Variants in DTNA observed in about 807,000 individuals in gnomAD.
DTNA encodes dystrobrevin alpha.
In DTNA, 43 loss-of-function variants were observed where a neutral mutation model predicts 100.7. The observed-to-expected ratio is 0.43, with a 90% CI of 0.33 to 0.55. The LOEUF is 0.55. DTNA is among the 20% of genes least tolerant of loss of function. DTNA has a pLI of 0.04. For missense variants in DTNA, 798 were observed against 953.9 expected, an observed-to-expected ratio of 0.84 and a Z score of 2.15; for synonymous variants, 349 against 347.9, an observed-to-expected ratio of 1.00 and a Z score of -0.04.
At chr18:34,873,301 T>A (rs2150300429) in intron 17 of DTNA, among the ~76,000 whole-genome samples, 1 of 152,314 alleles carries the variant, frequency 6.6e-6, no homozygotes, top group Middle Eastern at 3.4e-3. Context: ...TACTTCTTAA[T>A]AACCACTCTG....
At position 34,829,458 on chromosome 18, in the gene DTNA, C is replaced by T. The variant is rs1351925892; in HGVS notation, c.1144C>T (p.Leu382=). 6.5e-7 allele frequency: 1 copy of T among 1,530,814 alleles called. No homozygotes were observed. Among genetic ancestry groups the T allele is most frequent in the East Asian group, 2.5e-5 (1 of 40,752 alleles). 94.8% of individuals were successfully genotyped at this position (1,530,814 alleles called of 1,614,324 possible). The change falls in exon 11 of 23, where the codon CTG becomes TTG. Residue 382 remains leucine (L), a synonymous_variant. Coordinates refer to ENST00000444659, the MANE Select transcript of DTNA (RefSeq NM_001386795.1). ...GGCTGAAGAGCATTCCCTCATAAAG[C>T]TGTACGTAAATCAGCTTGATCACGG... ...PVAEEHSLIK[L]YVNQLDHGAR...
At position 34,595,088 on chromosome 18, in the gene DTNA, A is replaced by G. The variant is rs373107180; in HGVS notation, c.-2+101574A>G. Among the ~76,000 whole-genome samples the G allele has an allele frequency of 1.4e-4, 22 of 152,330 alleles. 1 individual carries two copies. Among genetic ancestry groups the G allele is most frequent in the African/African-American group, 5.3e-4 (22 of 41,564 alleles). On this transcript the variant is annotated intron_variant, in intron 1 of 19. Coordinates refer to the DTNA transcript ENST00000283365. Reference sequence around the variant, plus strand: ...AATTGCAATTAATTTTCATTTCCCCATAATCATGTGTTAACTTTGTAAATT... The same window carrying G: ...AATTGCAATTAATTTTCATTTCCCCGTAATCATGTGTTAACTTTGTAAATT...
chr18:34,556,645 G>A (rs201730626), intron 1 of DTNA, among the ~76,000 whole-genome samples: 7 of 151,762 alleles, frequency 4.6e-5, no homozygotes, highest in African/African-American at 1.7e-4. Flanking sequence ...AGTTTGGCTG[G>A]ATATGAAATT....
chr18:34,512,670 T>C (rs187198429), intron 1 of DTNA, among the ~76,000 whole-genome samples: 28 of 152,188 alleles, frequency 1.8e-4, no homozygotes, highest in Admixed American at 1.8e-3. Context: ...TACTGTTCTC[T>C]GAAAGGTATA....
Position 34,581,943 on chromosome 18 carries a change from A to T in DTNA, c.-2+88429A>T, listed in dbSNP as rs140462268. 2.3e-3 allele frequency among the ~76,000 whole-genome samples: 356 copies of T among 152,226 alleles called. 3 individuals carry two copies. Among genetic ancestry groups the T allele is most frequent in the Non-Finnish European group, 1.5e-3 (102 of 68,004 alleles). ...GGCCCTGCCCCTATTATTTTGTAGGATCTGAGGCACAAATACAAAGAGGGA... is the reference window on the plus strand; with the variant it reads ...GGCCCTGCCCCTATTATTTTGTAGGTTCTGAGGCACAAATACAAAGAGGGA... On this transcript the variant is annotated intron_variant, in intron 1 of 19. Coordinates refer to the DTNA transcript ENST00000283365.
intron 17 of DTNA, among the ~76,000 whole-genome samples, chr18:34,872,866 G>T (rs1482446538): frequency 6.6e-6 from 1 of 152,210 alleles, no homozygotes; most frequent in Admixed American, 6.5e-5. Flanking sequence ...GCTGGTCACA[G>T]TGCCCACAGT....
intron 1 of DTNA, among the ~76,000 whole-genome samples, chr18:34,592,843 T>C (rs1392133479): frequency 1.3e-5 from 2 of 152,224 alleles, no homozygotes; most frequent in Admixed American, 1.3e-4. Flanking sequence ...AAAACTTAAA[T>C]GCTGTCCTAC....
chr18:34,829,830 G>A (rs1318636958), intron 11 of DTNA, among the ~76,000 whole-genome samples: 1 of 152,182 alleles, frequency 6.6e-6, no homozygotes, highest in African/African-American at 2.4e-5. Context: ...CTTGAATTAA[G>A]GAGTCTGTTG....
At chr18:34,635,678 C>T (rs1041360182) in intron 1 of DTNA, among the ~76,000 whole-genome samples, 5 of 152,158 alleles carry the variant, frequency 3.3e-5, no homozygotes, top group Admixed American at 2.6e-4. Flanking sequence ...AATATTGACC[C>T]ATTTTACTTA....
chr18:34,598,634 C>T (rs776724174), intron 1 of DTNA, among the ~76,000 whole-genome samples: 5 of 152,042 alleles, frequency 3.3e-5, no homozygotes, highest in African/African-American at 1.2e-4. Flanking sequence ...GAGGCCGAGA[C>T]GGGTGGATCA....
chr18:34,716,434 G>C (rs2084090668), intron 1 of DTNA, among the ~76,000 whole-genome samples: 1 of 152,048 alleles, frequency 6.6e-6, no homozygotes, highest in South Asian at 2.1e-4. Context: ...GTGGTGGCAG[G>C]CGCCTGTAAT....
In DTNA at chr18:34,854,653, A is replaced by C. The variant is rs2149998801; in HGVS notation, c.1532+2725A>C. 1.3e-5 allele frequency among the ~76,000 whole-genome samples: 2 copies of C among 152,344 alleles called. 1 individual carries two copies. The highest frequency in any genetic ancestry group is 6.8e-3 in the Middle Eastern group (2 of 294). On this transcript the variant is annotated intron_variant, in intron 15 of 22. Coordinates refer to ENST00000444659, the MANE Select transcript of DTNA (RefSeq NM_001386795.1). The stretch of plus-strand genomic sequence containing the variant: ...AGTCCGTTCATTCGGACTTTCTACC[A>C]GACATCATTCCATAATCCCTTCTCC...
rs928670910 is a variant in DTNA at position 34,827,474 on chromosome 18, A to C, written c.1002-119A>C. The stretch of plus-strand genomic sequence containing the variant: ...TTGGAAAATATAAGATTTCTTGTTG[A>C]TCCTGGGAAAGGTAGAACCCAGATC... On this transcript the variant is annotated intron_variant, in intron 9 of 22. Coordinates refer to ENST00000444659, the MANE Select transcript of DTNA (RefSeq NM_001386795.1). 45 of 885,720 alleles carry C rather than the reference A, an allele frequency of 5.1e-5. 1 individual carries two copies. Among genetic ancestry groups the C allele is most frequent in the Non-Finnish European group, 6.5e-5 (34 of 522,624 alleles). 54.9% of individuals were successfully genotyped at this position (885,720 alleles called of 1,614,324 possible).
chr18:34,540,501 A>G (rs796125297), intron 1 of DTNA, among the ~76,000 whole-genome samples: 29 of 152,172 alleles, frequency 1.9e-4, no homozygotes, highest in African/African-American at 5.1e-4. Context: ...GGGACTTTCT[A>G]TAACAGACAC....
At chr18:34,706,025 G>T (rs1057077169), upstream of DTNA, among the ~76,000 whole-genome samples, 1 of 152,086 alleles carries the variant, frequency 6.6e-6, no homozygotes, top group Non-Finnish European at 1.5e-5. Flanking sequence ...TCAGCTCACC[G>T]CAACCTCCGC....
chr18:34,515,089 C>G (rs2041468222), intron 1 of DTNA, among the ~76,000 whole-genome samples: 1 of 152,024 alleles, frequency 6.6e-6, no homozygotes, highest in East Asian at 1.9e-4. Flanking sequence ...TTTTAAAATT[C>G]TTGCTCAGAA....
chr18:34,686,633 C>A (rs2078940671), intron 1 of DTNA, among the ~76,000 whole-genome samples: 1 of 152,108 alleles, frequency 6.6e-6, no homozygotes, highest in African/African-American at 2.4e-5. Flanking sequence ...GTTTTGGTAT[C>A]AGGATGATGC....
chr18:34,877,651 A>G, intron 18 of DTNA, 68 bp from the exon 19 acceptor site: 1 of 1,423,676 alleles, frequency 7.0e-7, no homozygotes, highest in Non-Finnish European at 9.7e-7. Flanking sequence ...GGAAGGATAA[A>G]TAAACAACAT....
intron 1 of DTNA, among the ~76,000 whole-genome samples, chr18:34,664,208 G>A (rs2075594998): frequency 6.6e-6 from 1 of 152,128 alleles, no homozygotes; most frequent in Non-Finnish European, 1.5e-5. Flanking sequence ...TGCAGAAGCA[G>A]ATAGGTAAAT....
Sources: gnomAD v4.1 joint callset for allele counts (sites outside exome capture counted in the v4.1 genomes callset) on GRCh38, gnomAD v4.1.1 for gene constraint, MANE v1.5 for transcripts, NCBI Gene and HGNC (gene_info 2026-07-23, HGNC 2026-07-21) for gene names.